The following CD81 variants were observed in gnomAD, a reference collection of about 807,000 sequenced individuals.
CD81 encodes CD81 antigen.
CD81 carries 10 observed loss-of-function variants against 30.1 expected under a neutral mutation model. That is an observed-to-expected ratio of 0.33 (90% CI 0.21 to 0.56). CD81 has a LOEUF of 0.56. Ranked by LOEUF, CD81 falls within the 20% of genes least tolerant of loss-of-function variation. The pLI, the probability that CD81 is intolerant of heterozygous loss-of-function variation, is 0.89. For missense variants in CD81, 263 were observed against 308.7 expected (o/e 0.85, Z 1.11); for synonymous variants, 147 against 126.4 (o/e 1.16, Z -1.10).
chr11:2,397,064 G>A lies in CD81; in HGVS notation c.*198G>A, dbSNP rs749149940. 24 of 631,642 alleles carry A rather than the reference G, an allele frequency of 3.8e-5. No individual in the cohort carries two copies. Among genetic ancestry groups the A allele is most frequent in the African/African-American group, 5.4e-5 (3 of 55,072 alleles). The allele number at this position is 631,642 out of a possible 1,614,324, so 39.1% of individuals were successfully genotyped here. A position where few individuals can be genotyped will look rare whatever the true frequency, so the allele number is the denominator to read the frequency against. ...AGGGCTGACGTCACATGTAGGTGGC[G>A]TGTATGAGTGGAGACGGGCCTGGGT... is the stretch of plus-strand genomic sequence containing the variant. On this transcript the variant is annotated 3_prime_UTR_variant, in exon 8 of 8. Coordinates refer to ENST00000263645, the MANE Select transcript of CD81 (RefSeq NM_004356.4).
chr11:2,395,986 G>C lies in CD81; in HGVS notation c.561+16G>C, dbSNP rs755996729. ...CCTCTTCAAGGTGCGCGAGGCCGGT[G>C]GGGCCGCGCCTGACCCCCCGCATGT... is the stretch of plus-strand genomic sequence containing the variant. On this transcript the variant is annotated intron_variant, in intron 6 of 7. Coordinates refer to ENST00000263645, the MANE Select transcript of CD81 (RefSeq NM_004356.4). 1 of 1,563,560 alleles carries C rather than the reference G, an allele frequency of 6.4e-7. No homozygotes were observed. Among genetic ancestry groups the C allele is most frequent in the Non-Finnish European group, 8.8e-7 (1 of 1,136,268 alleles).
chr11:2,390,198 C>G, intron 1 of CD81: 2 of 643,726 alleles, frequency 3.1e-6, no homozygotes, highest in Non-Finnish European at 5.7e-6. Flanking sequence ...AGGGCAGGGC[C>G]AGGCTCCAAG....
At chr11:2,384,940 C>T (rs1849764244) in intron 1 of CD81, among the ~76,000 whole-genome samples, 1 of 152,138 alleles carries the variant, frequency 6.6e-6, no homozygotes, top group South Asian at 2.1e-4. Flanking sequence ...CCTCCCTCAT[C>T]ACCGTGAAAG....
intron 1 of CD81, chr11:2,386,669 C>A (rs560065775): frequency 1.4e-6 from 1 of 712,262 alleles, no homozygotes; most frequent in South Asian, 1.5e-5. Flanking sequence ...CCTGGCACTC[C>A]TTCTTGCCCC....
chr11:2,395,564 C>T (rs1849984222), intron 5 of CD81, 44 bp downstream of exon 5: 1 of 1,485,510 alleles, frequency 6.7e-7, no homozygotes, highest in East Asian at 2.3e-5. Context: ...GCCCCGGGAA[C>T]CCGGCGGGGT....
intron 4 of CD81, 173 bp downstream of exon 4, chr11:2,395,219 T>C (rs1849974559): frequency 2.7e-6 from 2 of 731,048 alleles, no homozygotes; most frequent in African/African-American, 1.7e-5. Flanking sequence ...GCATTGGGGC[T>C]GAGCACCAGG....
At chr11:2,390,601 G>C (rs1344884575) in intron 2 of CD81, 75 bp downstream of exon 2, 2 of 1,031,188 alleles carry the variant, frequency 1.9e-6, no homozygotes, top group African/African-American at 3.1e-5. Flanking sequence ...TTTTGGATGG[G>C]GACATGGAGG....
At chr11:2,390,634 G>A (rs897284974) in intron 2 of CD81, 108 bp downstream of exon 2, 10 of 821,902 alleles carry the variant, frequency 1.2e-5, no homozygotes, top group Admixed American at 3.9e-5. Flanking sequence ...CGGGCATGGC[G>A]TGTCCGGGCA....
In CD81 at chr11:2,396,061, A is replaced by G. The variant is rs558275319; in HGVS notation, c.561+91A>G. ...GGTGGGCAGGTCACACGGCAGCCCC[A>G]CAGGGAGCGACCACACTGGGTGGCA... is the stretch of plus-strand genomic sequence containing the variant. On this transcript the variant is annotated intron_variant, in intron 6 of 7. Coordinates refer to ENST00000263645, the MANE Select transcript of CD81 (RefSeq NM_004356.4). The G allele has an allele frequency of 1.4e-3, 1,033 of 735,430 alleles. 4 individuals are homozygous for G. Among genetic ancestry groups the G allele is most frequent in the Admixed American group, 2.3e-3 (115 of 50,818 alleles). The allele number at this position is 735,430 out of a possible 1,614,324, so 45.6% of individuals were successfully genotyped here. A position where few individuals can be genotyped will look rare whatever the true frequency, so the allele number is the denominator to read the frequency against.
In CD81 at chr11:2,377,650, G is replaced by T. The variant is rs755533264; in HGVS notation, c.66+35G>T. On this transcript the variant is annotated intron_variant, in intron 1 of 7. Transcript: ENST00000263645. The surrounding 1 kb of genome is among the most constrained non-coding windows in gnomAD (Gnocchi z 7.7). ...GCGCCGGGGGCCGGGGCGGGAGGGG[G>T]CAGGCACACACTCCACGTTGGGCAG... is the stretch of plus-strand genomic sequence containing the variant. 1 of 1,408,656 alleles carries T rather than the reference G, an allele frequency of 7.1e-7. No homozygotes were observed. Among genetic ancestry groups the T allele is most frequent in the South Asian group, 1.2e-5 (1 of 80,178 alleles). 87.3% of individuals were successfully genotyped at this position (1,408,656 alleles called of 1,614,324 possible).
chr11:2,381,726 T>C (rs1849708549), intron 1 of CD81, among the ~76,000 whole-genome samples: 1 of 152,194 alleles, frequency 6.6e-6, no homozygotes, highest in Non-Finnish European at 1.5e-5. Flanking sequence ...GGGCCCCGTG[T>C]CCCTGTGATC....
chr11:2,389,984 G>T, intron 1 of CD81: 1 of 346,320 alleles, frequency 2.9e-6, no homozygotes, highest in Non-Finnish European at 5.7e-6. Context: ...TATCACCTCT[G>T]GCCAGATACG....
Sources: allele counts gnomAD v4.1 joint callset (sites outside exome capture counted in the v4.1 genomes callset), GRCh38; gene constraint gnomAD v4.1.1; non-coding constraint Gnocchi (gnomAD v3.1); transcripts MANE v1.5; gene names NCBI Gene and HGNC (gene_info 2026-07-23, HGNC 2026-07-21).